The following CCDC171 variants were observed in gnomAD, a reference collection of about 807,000 sequenced individuals.
CCDC171 encodes the protein coiled-coil domain containing 171.
A neutral mutation model predicts 168.2 loss-of-function variants in CCDC171; 177 were observed. The observed-to-expected ratio is 1.05, with a 90% CI of 0.93 to 1.19. The LOEUF is 1.19. Ranked by LOEUF, CCDC171 falls within the 50% of genes most tolerant of loss-of-function variation. CCDC171 has a pLI of 0.00. For missense variants in CCDC171, 1,991 were observed against 1,539.0 expected (o/e 1.29, Z -4.91); for synonymous variants, 687 against 540.8 (o/e 1.27, Z -3.75).
intron 8 of CCDC171, among the ~76,000 whole-genome samples, chr9:15,663,402 A>G (rs1484434724): frequency 1.3e-5 from 2 of 152,112 alleles, no homozygotes; most frequent in South Asian, 2.1e-4. Context: ...AATTAAAACA[A>G]TATTAGATCA....
chr9:15,630,951 T>A (rs1052343488), intron 7 of CCDC171, among the ~76,000 whole-genome samples: 1 of 152,020 alleles, frequency 6.6e-6, no homozygotes, highest in Admixed American at 6.6e-5. Context: ...AAGACAGAAA[T>A]AAAGATGTTC....
At chr9:15,879,758 A>G (rs1430373932) in intron 24 of CCDC171, among the ~76,000 whole-genome samples, 1 of 152,120 alleles carries the variant, frequency 6.6e-6, no homozygotes, top group African/African-American at 2.4e-5. Context: ...GTTTTTGGTT[A>G]TTATGAATAA....
At chr9:15,677,705 G>A (rs1188455668) in intron 9 of CCDC171, among the ~76,000 whole-genome samples, 1 of 149,056 alleles carries the variant, frequency 6.7e-6, no homozygotes, top group Non-Finnish European at 1.5e-5. Context: ...ATACTAACCT[G>A]AACAATATAC....
intron 7 of CCDC171, among the ~76,000 whole-genome samples, chr9:15,650,392 G>A (rs1587734840): frequency 6.6e-6 from 1 of 151,844 alleles, no homozygotes; most frequent in Non-Finnish European, 1.5e-5. Flanking sequence ...AGAACTTAAA[G>A]TATAATAAAA....
chr9:15,810,665 C>T (rs979006545), intron 21 of CCDC171, among the ~76,000 whole-genome samples: 1 of 152,184 alleles, frequency 6.6e-6, no homozygotes, highest in Non-Finnish European at 1.5e-5. Context: ...CCCTCCCTGC[C>T]TGGGGCCGGC....
At chr9:16,034,721 G>C (rs1833431591) in intron 6 of CCDC171, among the ~76,000 whole-genome samples, 1 of 152,134 alleles carries the variant, frequency 6.6e-6, no homozygotes, top group Non-Finnish European at 1.5e-5. Context: ...TAGTTTTTTG[G>C]AAAGCTAATA....
At chr9:15,648,656 A>G (rs988790617) in intron 7 of CCDC171, among the ~76,000 whole-genome samples, 1 of 152,244 alleles carries the variant, frequency 6.6e-6, no homozygotes, top group African/African-American at 2.4e-5. Context: ...CAGTTGCTAC[A>G]AATAGAATAA....
chr9:15,937,509 G>C (rs1223294862), intron 25 of CCDC171, among the ~76,000 whole-genome samples: 1 of 151,804 alleles, frequency 6.6e-6, no homozygotes, highest in Non-Finnish European at 1.5e-5. Flanking sequence ...ATTGTAAGGA[G>C]TTCCAATTCC....
rs192575391 is a variant in CCDC171, at chr9:15,809,022, A to G, written c.3267+24328A>G. On this transcript the variant is annotated intron_variant, in intron 21 of 25. Coordinates refer to ENST00000380701, the MANE Select transcript of CCDC171 (RefSeq NM_173550.4). ...AGGGAGCTCTTTGGGCCTTATTTATATAAGGGCACTAATCCCGATTTTGAG... is the reference window on the plus strand; with the variant it reads ...AGGGAGCTCTTTGGGCCTTATTTATGTAAGGGCACTAATCCCGATTTTGAG... Among the ~76,000 whole-genome samples the G allele has an allele frequency of 1.7e-4, 26 of 152,190 alleles. No individual in the cohort carries two copies. The East Asian group carries it at 2.3e-3, about 14-fold the overall frequency.
chr9:15,874,719 C>G (rs747377222), intron 24 of CCDC171, 56 bp downstream of exon 24: 1 of 1,429,554 alleles, frequency 7.0e-7, no homozygotes, highest in Non-Finnish European at 9.3e-7. Context: ...ATAAATTGCA[C>G]TAACTGGAGA....
chr9:15,573,376 G>A (rs569641262), intron 3 of CCDC171, among the ~76,000 whole-genome samples: 3 of 152,262 alleles, frequency 2.0e-5, no homozygotes, highest in Admixed American at 2.0e-4. Context: ...CCAGGTTCAA[G>A]TGATTGGAGA....
At chr9:15,821,606 C>G (rs2059773972) in intron 21 of CCDC171, among the ~76,000 whole-genome samples, 1 of 116,234 alleles carries the variant, frequency 8.6e-6, no homozygotes, top group Non-Finnish European at 1.9e-5. Flanking sequence ...GAATAAAATA[C>G]CTAGGAATCC....
chr9:15,683,240 C>T (rs905944822), intron 10 of CCDC171, among the ~76,000 whole-genome samples: 2 of 151,660 alleles, frequency 1.3e-5, no homozygotes, highest in Admixed American at 1.3e-4. Flanking sequence ...ATATTTTTTC[C>T]CCAATACTTT....
the CCDC171 span, among the ~76,000 whole-genome samples, chr9:16,082,468 A>C: frequency 7.2e-5 from 11 of 152,298 alleles, no homozygotes; most frequent in East Asian, 2.1e-3. Flanking sequence ...CCTGAATTCC[A>C]AGTTATCTTT....
intron 3 of CCDC171, among the ~76,000 whole-genome samples, chr9:16,015,793 C>G (rs1490279733): frequency 6.6e-6 from 1 of 152,184 alleles, no homozygotes; most frequent in Admixed American, 6.5e-5. Context: ...CTTCTCATCT[C>G]TTACAACCAC....
intron 18 of CCDC171, among the ~76,000 whole-genome samples, chr9:15,757,357 G>A (rs1340753957): frequency 6.6e-6 from 1 of 152,152 alleles, no homozygotes; most frequent in Non-Finnish European, 1.5e-5. Flanking sequence ...AAATAGACTG[G>A]CGGTGTTTTG....
intron 1 of CCDC171, among the ~76,000 whole-genome samples, chr9:16,046,715 GCT>G (rs1368347703): frequency 1.3e-5 from 2 of 152,052 alleles, no homozygotes; most frequent in Non-Finnish European, 2.9e-5. Flanking sequence ...CTTTCACTTG[GCT>G]CTCTCATTCT....
In CCDC171 at chr9:15,585,046, T is replaced by G. The variant is rs190201090; in HGVS notation, c.352+6023T>G. On this transcript the variant is annotated intron_variant, in intron 4 of 25. Transcript: ENST00000380701. ...ATGCAAATGAAAACCATAGTAGATG[T>G]TACTAAACACCTATCAGGTGGCTCT... 2.6e-3 allele frequency among the ~76,000 whole-genome samples: 403 copies of G among 152,304 alleles called. 2 individuals carry two copies. Among genetic ancestry groups the G allele is most frequent in the African/African-American group, 8.6e-3 (359 of 41,566 alleles).
intron 4 of CCDC171, chr9:16,020,944 T>C (rs1833144321): frequency 6.6e-6 from 1 of 152,240 alleles, no homozygotes; most frequent in Non-Finnish European, 1.5e-5. Flanking sequence ...ACAAATGAAG[T>C]TCTTCTCACA....
Sources: gnomAD v4.1 joint callset for allele counts (sites outside exome capture counted in the v4.1 genomes callset) on GRCh38, gnomAD v4.1.1 for gene constraint, MANE v1.5 for transcripts, NCBI Gene and HGNC (gene_info 2026-07-23, HGNC 2026-07-21) for gene names.